Variants in BCHE observed in about 807,000 individuals in gnomAD.
BCHE encodes the protein butyrylcholinesterase.
In BCHE, 48 loss-of-function variants were observed where a neutral mutation model predicts 51.3. The observed-to-expected ratio is 0.94, with a 90% confidence interval of 0.74 to 1.19. The LOEUF is 1.19. Ranked by LOEUF, BCHE falls within the 50% of genes most tolerant of loss-of-function variation. BCHE has a pLI of 0.00. For missense variants in BCHE, 847 were observed against 708.2 expected (o/e 1.20, Z -2.23); for synonymous variants, 251 against 238.0 (o/e 1.05, Z -0.50).
chr3:165,807,398 A>C (rs1170149903), intron 2 of BCHE, among the ~76,000 whole-genome samples: 1 of 152,000 alleles, frequency 6.6e-6, no homozygotes, highest in African/African-American at 2.4e-5. Context: ...AGAATACAAT[A>C]ATACTTTAAT....
chr3:165,786,020 C>A (rs1478312652), intron 3 of BCHE, 125 bp downstream of exon 3: 7 of 1,061,556 alleles, frequency 6.6e-6, no homozygotes, highest in Non-Finnish European at 9.7e-6. Flanking sequence ...GTTCATTAAA[C>A]CAAGTTATTT....
At chr3:165,828,990 G>T (rs1334040950) in intron 2 of BCHE, among the ~76,000 whole-genome samples, 1 of 152,116 alleles carries the variant, frequency 6.6e-6, no homozygotes, top group Non-Finnish European at 1.5e-5. Flanking sequence ...AGGAAAAAAA[G>T]AAAAACCAAA....
intron 2 of BCHE, among the ~76,000 whole-genome samples, chr3:165,822,254 G>C (rs1000195546): frequency 3.3e-5 from 5 of 151,916 alleles, no homozygotes; most frequent in African/African-American, 1.2e-4. Context: ...ATAGAAGCAA[G>C]TAAATTGCCT....
rs759339103 is a variant in BCHE, at chr3:165,830,268, T to G, written c.766A>C (p.Asn256His). 2 of 1,614,004 alleles carry G rather than the reference T, an allele frequency of 1.2e-6. No homozygotes were observed. The highest frequency in any genetic ancestry group is 1.7e-6 in the Non-Finnish European group (2 of 1,179,930). Residue 256 changes from asparagine to histidine, a missense_variant, in exon 2 of 4, where the codon AAT becomes CAT. Physicochemically the swap from Asn to His is moderately conservative, Grantham distance 68. Transcript: ENST00000264381. ...AGAGATGTTACCGCCCAAGGAGCATTAAAGGATCCACTTTGCAGAATGGCT... is the reference window on the plus strand; with the variant it reads ...AGAGATGTTACCGCCCAAGGAGCATGAAAGGATCCACTTTGCAGAATGGCT... Reference protein sequence around the residue: ...TRAILQSGSFNAPWAVTSLYE... With the variant: ...TRAILQSGSFHAPWAVTSLYE...
chr3:165,821,238 A>T (rs1019190124), intron 2 of BCHE, among the ~76,000 whole-genome samples: 5 of 151,936 alleles, frequency 3.3e-5, no homozygotes. Flanking sequence ...AAAATATAAC[A>T]AAAAGTAAAT....
chr3:165,775,881 T>TAAATCA (rs1472039532), intron 3 of BCHE, among the ~76,000 whole-genome samples: 3 of 151,890 alleles, frequency 2.0e-5, no homozygotes, highest in African/African-American at 7.2e-5. Flanking sequence ...GAGTTTGAAG[T>TAAATCA]AAATCAAAAT....
At chr3:165,776,407 T>C (rs1477917733) in intron 3 of BCHE, among the ~76,000 whole-genome samples, 1 of 151,924 alleles carries the variant, frequency 6.6e-6, no homozygotes, top group Non-Finnish European at 1.5e-5. Flanking sequence ...TGCCTCATGG[T>C]GTCTGAAAGT....
intron 3 of BCHE, among the ~76,000 whole-genome samples, chr3:165,780,411 G>A (rs1576834729): frequency 6.6e-6 from 1 of 152,140 alleles, no homozygotes; most frequent in East Asian, 1.9e-4. Context: ...TTGACAAATA[G>A]GGTATAATTA....
intron 2 of BCHE, among the ~76,000 whole-genome samples, chr3:165,826,481 C>T (rs930137677): frequency 6.6e-6 from 1 of 151,858 alleles, no homozygotes; most frequent in African/African-American, 2.4e-5. Flanking sequence ...ATTGACTGGA[C>T]ATGGGGAGTA....
chr3:165,777,553 G>A (rs1032440526), intron 3 of BCHE, among the ~76,000 whole-genome samples: 13 of 152,056 alleles, frequency 8.5e-5, no homozygotes, highest in Non-Finnish European at 1.6e-4. Flanking sequence ...TATTTATAAC[G>A]TACACATATG....
intron 2 of BCHE, among the ~76,000 whole-genome samples, chr3:165,798,011 A>G (rs1713486177): frequency 6.6e-6 from 1 of 152,170 alleles, no homozygotes; most frequent in African/African-American, 2.4e-5. Context: ...ATCACTATTC[A>G]CTGGAGGTCC....
chr3:165,830,947 T>G lies in BCHE; in HGVS notation c.87A>C (p.Glu29Asp), dbSNP rs2108236121. The change falls in exon 2 of 4, where the codon GAA becomes GAC. Residue 29 changes from glutamate to aspartate, a missense_variant. Coordinates refer to ENST00000264381, the MANE Select transcript of BCHE (RefSeq NM_000055.4). ...LCMLIGKSHTEDDIIIATKNG... is the reference protein window; with the variant it reads ...LCMLIGKSHTDDDIIIATKNG... ...TCTTTGTTGCAATTATGATGTCATCTTCAGTATGTGACTTCCCAATAAGCA... is the reference window on the plus strand; with the variant it reads ...TCTTTGTTGCAATTATGATGTCATCGTCAGTATGTGACTTCCCAATAAGCA... 6.2e-7 allele frequency: 1 copy of G among 1,613,854 alleles called. No homozygotes were observed. Among genetic ancestry groups the G allele is most frequent in the Non-Finnish European group, 8.5e-7 (1 of 1,179,892 alleles).
At chr3:165,803,677 G>T (rs959876109) in intron 2 of BCHE, among the ~76,000 whole-genome samples, 1 of 152,116 alleles carries the variant, frequency 6.6e-6, no homozygotes, top group African/African-American at 2.4e-5. Flanking sequence ...TGGCAGTGGA[G>T]AATGATGATC....
intron 3 of BCHE, among the ~76,000 whole-genome samples, chr3:165,782,639 A>G (rs1005901998): frequency 2.0e-5 from 3 of 152,152 alleles, no homozygotes; most frequent in African/African-American, 7.2e-5. Flanking sequence ...ATTAGAAAAT[A>G]TTTTAGTCCA....
chr3:165,821,845 T>A (rs1649735286), intron 2 of BCHE, among the ~76,000 whole-genome samples: 1 of 151,940 alleles, frequency 6.6e-6, no homozygotes, highest in Admixed American at 6.6e-5. Flanking sequence ...CATGTAATTG[T>A]CTTACCCACT....
intron 3 of BCHE, chr3:165,777,669 A>C (rs1269412911): frequency 2.9e-6 from 1 of 340,644 alleles, no homozygotes; most frequent in Non-Finnish European, 6.0e-6. Context: ...AAATATACAC[A>C]CAGTTGACCT....
intron 2 of BCHE, among the ~76,000 whole-genome samples, chr3:165,805,213 T>A (rs1713824803): frequency 6.6e-6 from 1 of 152,022 alleles, no homozygotes; most frequent in South Asian, 2.1e-4. Flanking sequence ...CATATATACA[T>A]ATATATGGCT....
At chr3:165,823,247 T>A (rs2108229883) in intron 2 of BCHE, among the ~76,000 whole-genome samples, 1 of 152,242 alleles carries the variant, frequency 6.6e-6, no homozygotes, top group African/African-American at 2.4e-5. Context: ...AAATCAAATT[T>A]AAAAATCTTG....
intron 2 of BCHE, among the ~76,000 whole-genome samples, chr3:165,787,784 T>C (rs1041979349): frequency 2.0e-5 from 3 of 151,960 alleles, no homozygotes; most frequent in Admixed American, 2.0e-4. Flanking sequence ...TTGTTTGAAA[T>C]CGAACTTGTA....
Sources: gnomAD v4.1 joint callset for allele counts (sites outside exome capture counted in the v4.1 genomes callset) on GRCh38, gnomAD v4.1.1 for gene constraint, MANE v1.5 for transcripts, NCBI Gene and HGNC (gene_info 2026-07-23, HGNC 2026-07-21) for gene names.